The following WDFY4 variants were observed in gnomAD, a reference collection of about 807,000 sequenced individuals.
WDFY4 encodes WD repeat- and FYVE domain-containing protein 4.
WDFY4 carries 169 observed loss-of-function variants against 351.9 expected under a neutral mutation model. That is an observed-to-expected ratio of 0.48 (90% confidence interval 0.42 to 0.55). The LOEUF is 0.55. Among genes scored for constraint, WDFY4 ranks in the 20% least tolerant of loss-of-function variants. The pLI is 0.00. For missense variants in WDFY4, 3,803 were observed against 3,935.6 expected (o/e 0.97, Z 0.90); for synonymous variants, 1,622 against 1,574.6 (o/e 1.03, Z -0.71).
At chr10:48,873,944 G>GT (rs2069889045) in intron 41 of WDFY4, among the ~76,000 whole-genome samples, 1 of 152,198 alleles carries the variant, frequency 6.6e-6, no homozygotes, top group Non-Finnish European at 1.5e-5. Flanking sequence ...TGAGTGTTGA[G>GT]TGGTGAGTGG....
chr10:48,756,238 G>A (rs559442024), intron 12 of WDFY4, among the ~76,000 whole-genome samples: 1 of 152,054 alleles, frequency 6.6e-6, no homozygotes, highest in Non-Finnish European at 1.5e-5. Context: ...GCCTGCACAT[G>A]TTTTCTTAGA....
At position 48,957,153 on chromosome 10, in the gene WDFY4, A is replaced by G. The variant is rs1437356967; in HGVS notation, c.8002A>G (p.Arg2668Gly). 1 of 1,550,736 alleles carries G rather than the reference A, an allele frequency of 6.4e-7. No homozygotes were observed. Among genetic ancestry groups the G allele is most frequent in the Non-Finnish European group, 8.7e-7 (1 of 1,146,230 alleles). ...GGGCGGAAGCTTCGACGTGGCAGACAGAATGTTCCACAGTGTGAAGAGCAC... is the reference window on the plus strand; with the variant it reads ...GGGCGGAAGCTTCGACGTGGCAGACGGAATGTTCCACAGTGTGAAGAGCAC... ...LQGGSFDVADRMFHSVKSTWE... is the reference protein window; with the variant it reads ...LQGGSFDVADGMFHSVKSTWE... Residue 2668 changes from arginine to glycine, a missense_variant, in exon 52 of 62, where the codon AGA (arginine) becomes GGA (glycine). Transcript: ENST00000325239.
chr10:48,838,555 A>G (rs1758680391), intron 39 of WDFY4, among the ~76,000 whole-genome samples: 1 of 151,954 alleles, frequency 6.6e-6, no homozygotes, highest in African/African-American at 2.4e-5. Flanking sequence ...CACTTCACCC[A>G]TTATCTTTTT....
At chr10:48,700,703 G>A (rs77152914) in intron 1 of WDFY4, among the ~76,000 whole-genome samples, 7,734 of 152,324 alleles carry the variant, frequency 0.051, 213 homozygotes, top group Middle Eastern at 0.095. Flanking sequence ...GGTCATGACA[G>A]TTCCTGTGCC....
intron 1 of WDFY4, among the ~76,000 whole-genome samples, chr10:48,690,986 G>T (rs924927779): frequency 1.3e-5 from 2 of 152,208 alleles, no homozygotes; most frequent in Admixed American, 1.3e-4. Context: ...CCACCCAGGA[G>T]CCTATCTGCC....
At chr10:48,755,131 A>T (rs929058435) in intron 12 of WDFY4, among the ~76,000 whole-genome samples, 1 of 152,096 alleles carries the variant, frequency 6.6e-6, no homozygotes. Flanking sequence ...ATCTTTCCTT[A>T]TAGTTTTGTC....
chr10:48,872,932 A>T (rs886323404), intron 40 of WDFY4, among the ~76,000 whole-genome samples: 1 of 152,254 alleles, frequency 6.6e-6, no homozygotes, highest in Admixed American at 6.5e-5. Flanking sequence ...CATTCAGGCC[A>T]GGTCTGTCAT....
At chr10:48,857,858 T>C (rs2069191999) in intron 39 of WDFY4, among the ~76,000 whole-genome samples, 1 of 152,120 alleles carries the variant, frequency 6.6e-6, no homozygotes, top group Non-Finnish European at 1.5e-5. Flanking sequence ...AACGGTGCAG[T>C]CTCGGCTCAC....
intron 1 of WDFY4, among the ~76,000 whole-genome samples, chr10:48,690,438 C>A (rs1382334901): frequency 6.6e-6 from 1 of 152,112 alleles, no homozygotes. Context: ...GGCACCTTTG[C>A]CTGAGTTCTT....
In WDFY4 at chr10:48,814,113, G is replaced by A. The variant is rs565881924; in HGVS notation, c.5340+31G>A. The A allele has an allele frequency of 1.7e-5, 26 of 1,502,930 alleles. No individual in the cohort carries two copies. The East Asian group carries it at 5.3e-4, about 31-fold the overall frequency. 93.1% of individuals were successfully genotyped at this position (1,502,930 alleles called of 1,614,324 possible). The stretch of plus-strand genomic sequence containing the variant: ...ACCCATTCCCCACATGCTGCCCCGA[G>A]GAGGTTCTGATGGGAAGGCCAGTTT... On this transcript the variant is annotated intron_variant, in intron 31 of 61. Transcript: ENST00000325239.
intron 56 of WDFY4, 47 bp downstream of exon 56, chr10:48,969,295 C>A: frequency 6.5e-7 from 1 of 1,540,094 alleles, no homozygotes; most frequent in Non-Finnish European, 8.8e-7. Context: ...CCTCAGCCTT[C>A]CTCCAGCTGG....
At chr10:48,741,798 A>G (rs2064859447) in intron 11 of WDFY4, among the ~76,000 whole-genome samples, 1 of 152,152 alleles carries the variant, frequency 6.6e-6, no homozygotes, top group South Asian at 2.1e-4. Context: ...ACACTAGAGC[A>G]TTAAATACCT....
intron 2 of WDFY4, among the ~76,000 whole-genome samples, chr10:48,712,566 C>T (rs1297769435): frequency 1.3e-5 from 2 of 152,168 alleles, no homozygotes; most frequent in African/African-American, 4.8e-5. Context: ...TTCTGACGGA[C>T]TAATAAAACC....
chr10:48,834,732 G>A (rs1190016782), intron 39 of WDFY4, among the ~76,000 whole-genome samples: 1 of 152,220 alleles, frequency 6.6e-6, no homozygotes, highest in Non-Finnish European at 1.5e-5. Flanking sequence ...GGAATGTTAG[G>A]GTGCTGGGCA....
At chr10:48,750,840 T>G (rs1170301223) in intron 12 of WDFY4, among the ~76,000 whole-genome samples, 1 of 152,244 alleles carries the variant, frequency 6.6e-6, no homozygotes, top group African/African-American at 2.4e-5. Flanking sequence ...AATCTCTTTC[T>G]TCTGCTTCAG....
At position 48,970,250 on chromosome 10, in the gene WDFY4, C is replaced by A; in HGVS notation, c.8889C>A (p.Ser2963Arg). Reference sequence around the variant, plus strand: ...CTGTGGTGTGTGTGTGGGAGCTCAGCATGACCAAAGGCCGCCCGAGGGGCT... The same window carrying A: ...CTGTGGTGTGTGTGTGGGAGCTCAGAATGACCAAAGGCCGCCCGAGGGGCT... ...TSTVVCVWEL[S>R]MTKGRPRGLR... The change falls in exon 57 of 62, where the codon AGC becomes AGA. Residue 2963 changes from serine to arginine, a missense_variant. Around this residue, in one of 3 missense-constraint regions of WDFY4, gnomAD observed 3,054 missense variants for 3,148.6 expected, o/e 0.97. Coordinates refer to ENST00000325239, the MANE Select transcript of WDFY4 (RefSeq NM_001394531.1). 1 of 1,551,628 alleles carries A rather than the reference C, an allele frequency of 6.4e-7. No individual in the cohort carries two copies. The highest frequency in any genetic ancestry group is 1.2e-5 in the South Asian group (1 of 84,064).
intron 39 of WDFY4, among the ~76,000 whole-genome samples, chr10:48,866,177 G>A (rs2069535171): frequency 1.3e-5 from 2 of 152,026 alleles, no homozygotes; most frequent in African/African-American, 4.8e-5. Flanking sequence ...GGAAGTTTCA[G>A]ATATTGATTT....
chr10:48,923,475 G>A (rs10776657), intron 47 of WDFY4, among the ~76,000 whole-genome samples: 80,219 of 129,822 alleles, frequency 0.62, 26,645 homozygotes, highest in East Asian at 0.99. Flanking sequence ...TGAGCTTCAG[G>A]TAAACAACAA....
At chr10:48,882,656 C>A (rs34120130) in intron 43 of WDFY4, among the ~76,000 whole-genome samples, 19,776 of 152,050 alleles carry the variant, frequency 0.13, 1,429 homozygotes, top group Middle Eastern at 0.21. Context: ...TGGGAGCCAG[C>A]GCATCACATA....
Sources: allele counts gnomAD v4.1 joint callset (sites outside exome capture counted in the v4.1 genomes callset), GRCh38; gene constraint gnomAD v4.1.1; regional missense constraint gnomAD v4.1.1; transcripts MANE v1.5; gene names NCBI Gene and HGNC (gene_info 2026-07-23, HGNC 2026-07-21).